The following FAM120B variants were observed in gnomAD, a reference collection of about 807,000 sequenced individuals.
FAM120B encodes the protein constitutive coactivator of peroxisome proliferator-activated receptor gamma.
Under a neutral mutation model 96.3 loss-of-function variants are expected in FAM120B, and 83 were observed. That is an observed-to-expected ratio of 0.86 (90% CI 0.72 to 1.03). FAM120B has a LOEUF of 1.03. FAM120B is among the 50% of genes least tolerant of loss of function. The probability of loss-of-function intolerance (pLI) is 0.00; values close to 1 mark genes in which losing one functional copy is unlikely to be tolerated. For missense variants in FAM120B, 1,027 were observed against 1,121.2 expected (o/e 0.92, Z 1.20); for synonymous variants, 407 against 402.7 (o/e 1.01, Z -0.13).
intron 6 of FAM120B, among the ~76,000 whole-genome samples, chr6:170,361,198 GTATATATA>G (rs71010657): frequency 0.011 from 735 of 66,002 alleles, 22 homozygotes; most frequent in Middle Eastern, 0.043. Context: ...ATATATACGT[GTATATATA>G]TATATATATA....
intron 3 of FAM120B, among the ~76,000 whole-genome samples, chr6:170,328,157 A>G (rs1183844833): frequency 6.6e-6 from 1 of 151,794 alleles, no homozygotes; most frequent in African/African-American, 2.4e-5. Flanking sequence ...ATACAAACAC[A>G]TTATACAACT....
chr6:170,351,030 A>G (rs1182686708), intron 5 of FAM120B, among the ~76,000 whole-genome samples: 1 of 152,350 alleles, frequency 6.6e-6, no homozygotes, highest in East Asian at 1.9e-4. Flanking sequence ...AATGCAAAGA[A>G]GCTAAGAAAT....
chr6:170,378,986 C>A (rs746651810), intron 6 of FAM120B, among the ~76,000 whole-genome samples: 1 of 152,198 alleles, frequency 6.6e-6, no homozygotes, highest in Non-Finnish European at 1.5e-5. Flanking sequence ...GGGACGGGGC[C>A]GGAGCCATGG....
chr6:170,313,167 G>A (rs112811371), intron 1 of FAM120B, among the ~76,000 whole-genome samples: 1 of 152,186 alleles, frequency 6.6e-6, no homozygotes, highest in Non-Finnish European at 1.5e-5. Context: ...CTGGTTGTTT[G>A]TGCATTCATA....
intron 4 of FAM120B, among the ~76,000 whole-genome samples, chr6:170,345,480 T>C (rs1287701943): frequency 1.3e-5 from 2 of 152,332 alleles, no homozygotes; most frequent in East Asian, 3.9e-4. Flanking sequence ...CTTCGCACTC[T>C]TGTAATATTT....
intron 6 of FAM120B, among the ~76,000 whole-genome samples, chr6:170,367,881 A>G (rs1001597071): frequency 6.6e-6 from 1 of 152,146 alleles, no homozygotes. Flanking sequence ...ATTCTCCTAC[A>G]CAAAGACCCT....
rs1355865212 is a variant in FAM120B at position 170,363,058 on chromosome 6, C to T, written c.2283+4740C>T. Among the ~76,000 whole-genome samples the T allele has an allele frequency of 1.3e-5, 2 of 152,124 alleles. No homozygotes were observed. The highest frequency in any genetic ancestry group is 4.8e-5 in the African/African-American group (2 of 41,440). On this transcript the variant is annotated intron_variant, in intron 6 of 10. Transcript: ENST00000476287. This position sits in a 1 kb window ranked among gnomAD's most constrained non-coding sequence, Gnocchi z 4.5. The stretch of plus-strand genomic sequence containing the variant: ...AGAAATTCCTCTGCCTTTCTTTGCC[C>T]CATCAGTTTATCTTTGCCGTGTCAG...
chr6:170,380,604 G>A (rs1789845381), intron 6 of FAM120B, among the ~76,000 whole-genome samples: 2 of 152,222 alleles, frequency 1.3e-5, no homozygotes, highest in African/African-American at 4.8e-5. Flanking sequence ...GGTGATTAGT[G>A]TCGGACACCT....
chr6:170,350,856 G>C lies in FAM120B; in HGVS notation c.2190+2533G>C, dbSNP rs540812922. Among the ~76,000 whole-genome samples the C allele has an allele frequency of 6.6e-5, 10 of 152,322 alleles. No homozygotes were observed. The South Asian group carries it at 2.1e-3, about 32-fold the overall frequency. The stretch of plus-strand genomic sequence containing the variant: ...GAGAAAGAATCAATGCAAACATGCT[G>C]AAAACTGAAAAAGCCAGAGCGCCTT... On this transcript the variant is annotated intron_variant, in intron 5 of 10. Transcript: ENST00000476287.
chr6:170,405,961 G>A lies in FAM120B; in HGVS notation c.*1210G>A, dbSNP rs1217039690. 1 of 152,188 alleles carries A rather than the reference G, an allele frequency of 6.6e-6. No individual in the cohort carries two copies. The highest frequency in any genetic ancestry group is 1.5e-5 in the Non-Finnish European group (1 of 68,048). 9.4% of individuals were successfully genotyped at this position (152,188 alleles called of 1,614,324 possible). On this transcript the variant is annotated 3_prime_UTR_variant, in exon 11 of 11. Coordinates refer to ENST00000476287, the MANE Select transcript of FAM120B (RefSeq NM_032448.3). ...TCAGGCCTGGTTTATGATGCCACAA[G>A]TGAATGGCACGTTTGTTCCTCTTTA... is the stretch of plus-strand genomic sequence containing the variant.
At chr6:170,313,090 A>AC (rs1348232622) in intron 1 of FAM120B, among the ~76,000 whole-genome samples, 1 of 151,952 alleles carries the variant, frequency 6.6e-6, no homozygotes, top group Non-Finnish European at 1.5e-5. Context: ...CAGTTTAATG[A>AC]CCCCTGTATG....
Position 170,318,652 on chromosome 6 carries a change from C to G in FAM120B, c.1262C>G (p.Ala421Gly). 1 of 1,589,884 alleles carries G rather than the reference C, an allele frequency of 6.3e-7. No individual in the cohort carries two copies. Among genetic ancestry groups the G allele is most frequent in the East Asian group, 2.4e-5 (1 of 41,520 alleles). Residue 421 changes from alanine (A) to glycine (G), a missense_variant, in exon 2 of 11, where the codon GCC becomes GGC. Physicochemically the swap from Ala to Gly is moderately conservative, Grantham distance 60. Transcript: ENST00000476287. Reference protein sequence around the residue: ...QEVPMCTGPEARQEVPMYTDS... With the variant: ...QEVPMCTGPEGRQEVPMYTDS... ...GTTCCCATGTGTACAGGCCCTGAAG[C>G]CAGGCAAGAAGTTCCCATGTATACA...
chr6:170,362,677 CTTTTTTCTTTT>C (rs905438534), intron 6 of FAM120B, among the ~76,000 whole-genome samples: 2 of 149,826 alleles, frequency 1.3e-5, no homozygotes, highest in African/African-American at 2.5e-5. Flanking sequence ...TGTTTTCTTT[CTTTTTTCTTTT>C]TTTTTTTTTT....
chr6:170,315,946 G>C (rs79057207), intron 1 of FAM120B, among the ~76,000 whole-genome samples: 2 of 149,842 alleles, frequency 1.3e-5, no homozygotes, highest in South Asian at 2.1e-4. Context: ...AAAAGGCCAG[G>C]TGTGGTGGCA....
chr6:170,403,931 G>A (rs913211203), intron 9 of FAM120B, among the ~76,000 whole-genome samples: 4 of 152,192 alleles, frequency 2.6e-5, no homozygotes, highest in Non-Finnish European at 5.9e-5. Context: ...GGCTGCCCAC[G>A]GCAGGAGTGG....
intron 1 of FAM120B, among the ~76,000 whole-genome samples, chr6:170,308,675 ATGG>A (rs1218284841): frequency 6.6e-6 from 1 of 152,136 alleles, no homozygotes; most frequent in Non-Finnish European, 1.5e-5. Flanking sequence ...GGGTTTCCAA[ATGG>A]TATGTTTCAA....
chr6:170,398,363 T>G (rs1778320053), intron 9 of FAM120B, among the ~76,000 whole-genome samples: 1 of 152,202 alleles, frequency 6.6e-6, no homozygotes, highest in Non-Finnish European at 1.5e-5. Flanking sequence ...GTGGGAAAGG[T>G]AGAACTATGT....
rs919386414 is a variant in FAM120B, at chr6:170,406,214, C to T, written c.*1463C>T. On this transcript the variant is annotated 3_prime_UTR_variant, in exon 11 of 11. Coordinates refer to ENST00000476287, the MANE Select transcript of FAM120B (RefSeq NM_032448.3). ...GCAGCCGTCTTCCAGAAACCTCGAA[C>T]TTATGTCTGTCTCCACCTGAGAAAG... 6.6e-6 allele frequency: 1 copy of T among 152,210 alleles called. No individual in the cohort carries two copies. The highest frequency in any genetic ancestry group is 6.5e-5 in the Admixed American group (1 of 15,278). 9.4% of individuals were successfully genotyped at this position (152,210 alleles called of 1,614,324 possible).
chr6:170,391,014 G>C lies in FAM120B; in HGVS notation c.2492G>C (p.Arg831Thr), dbSNP rs1272410630. The change falls in exon 8 of 11, where the codon AGA becomes ACA. Residue 831 changes from arginine (R) to threonine (T), a missense_variant and splice_region_variant. Arg to Thr is a moderately conservative substitution (Grantham distance 71). Transcript: ENST00000476287. Reference sequence around the variant, plus strand: ...CATTTGCATCTGGTCTGTTTGCAGAGATCTCGGCTCACCAAATTCCACAAC... The same window carrying C: ...CATTTGCATCTGGTCTGTTTGCAGACATCTCGGCTCACCAAATTCCACAAC... ...YAVEVLLEQNRSRLTKFHNLK... is the reference protein window; with the variant it reads ...YAVEVLLEQNTSRLTKFHNLK... 1 of 1,613,894 alleles carries C rather than the reference G, an allele frequency of 6.2e-7. No homozygotes were observed.
Sources: gnomAD v4.1 joint callset for allele counts (sites outside exome capture counted in the v4.1 genomes callset) on GRCh38, gnomAD v4.1.1 for gene constraint, Gnocchi (gnomAD v3.1) non-coding constraint, MANE v1.5 for transcripts, NCBI Gene and HGNC (gene_info 2026-07-23, HGNC 2026-07-21) for gene names.